ATP11A: variants seen among roughly 807,000 people sequenced by gnomAD.
The protein encoded by ATP11A is phospholipid-transporting ATPase IH.
A neutral mutation model predicts 154.4 loss-of-function variants in ATP11A; 81 were observed. That is an observed-to-expected ratio of 0.52 (90% CI 0.44 to 0.63). ATP11A has a LOEUF of 0.63. Among genes scored for constraint, ATP11A ranks in the 30% least tolerant of loss-of-function variants. ATP11A has a pLI of 0.00. For missense variants in ATP11A, 1,316 were observed against 1,474.3 expected (o/e 0.89, Z 1.76); for synonymous variants, 623 against 585.9 (o/e 1.06, Z -0.91).
chr13:112,873,309 G>C, intron 26 of ATP11A: 1 of 461,076 alleles, frequency 2.2e-6, no homozygotes. Flanking sequence ...TTCCTGAACA[G>C]TGTGAGGTGT....
intron 26 of ATP11A, 141 bp downstream of exon 26, chr13:112,871,941 G>T: frequency 1.2e-6 from 1 of 827,122 alleles, no homozygotes; most frequent in South Asian, 1.6e-5. Flanking sequence ...CTGGCTCCTG[G>T]GGCACCCCTG....
At chr13:112,798,461 A>G (rs1355237703) in intron 2 of ATP11A, among the ~76,000 whole-genome samples, 1 of 152,184 alleles carries the variant, frequency 6.6e-6, no homozygotes, top group East Asian at 1.9e-4. Context: ...AACAGAGAGT[A>G]CTTTATTCAG....
chr13:112,794,029 A>G (rs566926805), intron 2 of ATP11A, among the ~76,000 whole-genome samples: 1 of 152,346 alleles, frequency 6.6e-6, no homozygotes, highest in African/African-American at 2.4e-5. Flanking sequence ...CGTCTGTCGT[A>G]CAAGTGAGAA....
At chr13:112,845,047 A>C (rs2079544120) in intron 17 of ATP11A, among the ~76,000 whole-genome samples, 1 of 147,802 alleles carries the variant, frequency 6.8e-6, no homozygotes, top group Admixed American at 6.6e-5. Flanking sequence ...GGCACTAGCC[A>C]TACTAACCAG....
intron 27 of ATP11A, among the ~76,000 whole-genome samples, chr13:112,873,984 A>T (rs1348782645): frequency 1.3e-5 from 2 of 152,248 alleles, no homozygotes; most frequent in Non-Finnish European, 2.9e-5. Context: ...TTGAAAGGCC[A>T]GAGGTGACTT....
intron 1 of ATP11A, among the ~76,000 whole-genome samples, chr13:112,725,889 C>T (rs969456049): frequency 3.9e-5 from 6 of 152,234 alleles, no homozygotes; most frequent in Non-Finnish European, 5.9e-5. Context: ...AGCCCCTCCC[C>T]GGCAGCTGAG....
At position 112,886,317 on chromosome 13, in the gene ATP11A, C is replaced by T. The variant is rs1331646490; in HGVS notation, c.*4451C>T. On this transcript the variant is annotated 3_prime_UTR_variant, in exon 30 of 30. Coordinates refer to ENST00000375645, the MANE Select transcript of ATP11A (RefSeq NM_015205.3). ...CTTGGCCAGGGGTCCGGTGCTGTCG[C>T]GGGAAACCTCCAGCCTTGTTCTTCA... 6.6e-6 allele frequency: 1 copy of T among 152,214 alleles called. No individual in the cohort carries two copies. Among genetic ancestry groups the T allele is most frequent in the Admixed American group, 6.5e-5 (1 of 15,278 alleles). The allele number at this position is 152,214 out of a possible 1,614,324, so 9.4% of individuals were successfully genotyped here.
At chr13:112,766,654 C>T (rs571834848) in intron 1 of ATP11A, among the ~76,000 whole-genome samples, 1 of 152,224 alleles carries the variant, frequency 6.6e-6, no homozygotes, top group East Asian at 1.9e-4. Context: ...TCATTGGCTT[C>T]TGCCCACCCC....
intron 12 of ATP11A, among the ~76,000 whole-genome samples, chr13:112,829,709 G>A (rs1012069220): frequency 2.0e-5 from 3 of 152,160 alleles, no homozygotes; most frequent in African/African-American, 7.2e-5. Flanking sequence ...GAGCAGTGAG[G>A]CAAGAAAAAG....
chr13:112,831,291 G>A (rs1001035409), intron 12 of ATP11A, 84 bp from the exon 13 acceptor site: 3 of 1,464,892 alleles, frequency 2.0e-6, no homozygotes, highest in African/African-American at 1.4e-5. Context: ...GGGAGCTGGG[G>A]AGGAAACACG....
chr13:112,774,499 CAG>C (rs1286578257), intron 1 of ATP11A, among the ~76,000 whole-genome samples: 34 of 152,350 alleles, frequency 2.2e-4, no homozygotes, highest in African/African-American at 6.5e-4. Context: ...CAGGGACTCT[CAG>C]GGGAGGGTGA....
At chr13:112,808,111 C>T (rs2078374700) in intron 4 of ATP11A, among the ~76,000 whole-genome samples, 1 of 151,994 alleles carries the variant, frequency 6.6e-6, no homozygotes, top group African/African-American at 2.4e-5. Context: ...CCCGAGCCCC[C>T]ATGGATGCAG....
At position 112,690,579 on chromosome 13, in the gene ATP11A, G is replaced by C. The variant is rs1885036762; in HGVS notation, c.39+124G>C. The C allele has an allele frequency of 3.2e-6, 3 of 936,378 alleles. No individual in the cohort carries two copies. Among genetic ancestry groups the C allele is most frequent in the Non-Finnish European group, 2.8e-6 (2 of 721,124 alleles). 58.0% of individuals were successfully genotyped at this position (936,378 alleles called of 1,614,324 possible). A position where few individuals can be genotyped will look rare whatever the true frequency, so the allele number is the denominator to read the frequency against. ...GGGAGGTCTCCGATGTCTGGGACTC[G>C]GACCGCCCCCGGGGACGAGCGGGAT... On this transcript the variant is annotated intron_variant, in intron 1 of 29. Transcript: ENST00000375645. The surrounding 1 kb of genome is among the most constrained non-coding windows in gnomAD (Gnocchi z 5.6).
intron 1 of ATP11A, among the ~76,000 whole-genome samples, chr13:112,715,843 C>T (rs571333347): frequency 2.6e-5 from 4 of 151,964 alleles, no homozygotes; most frequent in African/African-American, 4.8e-5. Context: ...CTCTGGGGGC[C>T]GGGGAAGGTG....
At chr13:112,835,033 GC>G (rs1188470547) in intron 15 of ATP11A, among the ~76,000 whole-genome samples, 1 of 152,280 alleles carries the variant, frequency 6.6e-6, no homozygotes, top group Non-Finnish European at 1.5e-5. Context: ...GTGAGCAGCT[GC>G]CCCCGGTGTG....
At chr13:112,709,564 C>A (rs1887511391) in intron 1 of ATP11A, among the ~76,000 whole-genome samples, 1 of 152,214 alleles carries the variant, frequency 6.6e-6, no homozygotes, top group Non-Finnish European at 1.5e-5. Flanking sequence ...TCTCCACAAT[C>A]CTTTATCTTA....
intron 18 of ATP11A, chr13:112,851,858 C>G (rs1269085711): frequency 6.6e-6 from 1 of 152,224 alleles, no homozygotes; most frequent in Non-Finnish European, 1.5e-5. Flanking sequence ...ACAACTAACT[C>G]TGTTCCTAAA....
chr13:112,844,146 G>T (rs371111012), intron 17 of ATP11A, among the ~76,000 whole-genome samples: 6 of 152,254 alleles, frequency 3.9e-5, no homozygotes, highest in Middle Eastern at 3.4e-3. Flanking sequence ...CGTGGTCGCC[G>T]TGCCATGCTG....
intron 1 of ATP11A, among the ~76,000 whole-genome samples, chr13:112,772,098 A>G (rs1042506571): frequency 1.3e-5 from 2 of 151,948 alleles, no homozygotes; most frequent in Non-Finnish European, 2.9e-5. Context: ...ATACTGTCCT[A>G]TTTTTTTTAA....
Sources: gnomAD v4.1 joint callset for allele counts (sites outside exome capture counted in the v4.1 genomes callset) on GRCh38, gnomAD v4.1.1 for gene constraint, Gnocchi (gnomAD v3.1) non-coding constraint, MANE v1.5 for transcripts, NCBI Gene and HGNC (gene_info 2026-07-23, HGNC 2026-07-21) for gene names.